Variants in SCOC observed in about 807,000 individuals in gnomAD.
The protein encoded by SCOC is short coiled-coil protein.
Under a neutral mutation model 9.9 loss-of-function variants are expected in SCOC, and 7 were observed. The ratio of observed to expected loss-of-function variants is 0.71; its 90% CI spans 0.40 to 1.33. The LOEUF is 1.33. SCOC is among the 40% of genes most tolerant of loss of function. The probability of loss-of-function intolerance (pLI) is 0.01; values close to 1 mark genes in which losing one functional copy is unlikely to be tolerated. For missense variants in SCOC, 66 were observed against 89.7 expected (o/e 0.74, Z 1.07); for synonymous variants, 19 against 28.2 (o/e 0.67, Z 1.03).
chr4:140,339,336 C>T (rs1726405930), upstream of SCOC, among the ~76,000 whole-genome samples: 1 of 151,766 alleles, frequency 6.6e-6, no homozygotes, highest in Non-Finnish European at 1.5e-5. Flanking sequence ...GGACGTAAAA[C>T]CATAAAAACC....
chr4:140,286,041 C>T lies in SCOC; in HGVS notation c.-19+28631C>T, dbSNP rs771981331. Among the ~76,000 whole-genome samples the T allele has an allele frequency of 7.9e-5, 12 of 152,044 alleles. No homozygotes were observed. In the South Asian group the frequency reaches 2.5e-3, roughly 32 times the overall value. ...CTCTACTAAAAATACAAAAATTAGC[C>T]GGATGTGGTGGTGGATGTCTGTAAT... On this transcript the variant is annotated intron_variant, in intron 1 of 4. Transcript: ENST00000394205.
intron 1 of SCOC, among the ~76,000 whole-genome samples, chr4:140,285,445 G>A (rs929587432): frequency 1.3e-5 from 2 of 152,202 alleles, no homozygotes; most frequent in Non-Finnish European, 2.9e-5. Context: ...AACCAGCAAT[G>A]GCCAAGGGGC....
chr4:140,380,262 A>G (rs1486335485), intron 3 of SCOC, among the ~76,000 whole-genome samples: 2 of 145,448 alleles, frequency 1.4e-5, no homozygotes, highest in African/African-American at 2.6e-5. Flanking sequence ...CAATGGCGCA[A>G]CCTCGGCTCC....
At chr4:140,328,831 C>T (rs1424802840) in intron 1 of SCOC, among the ~76,000 whole-genome samples, 1 of 152,166 alleles carries the variant, frequency 6.6e-6, no homozygotes, top group Non-Finnish European at 1.5e-5. Context: ...CAACCTACTG[C>T]TCCCAAAAAT....
intron 2 of SCOC, among the ~76,000 whole-genome samples, chr4:140,355,211 TTATATATATATATATATATATATATA>T (rs34322076): frequency 1.6e-5 from 1 of 61,424 alleles, no homozygotes; most frequent in Non-Finnish European, 4.1e-5. Flanking sequence ...CATTATATTT[TTATATATATATATATATATATATATA>T]TATATATATA....
intron 2 of SCOC, 116 bp from the exon 3 acceptor site, chr4:140,379,453 G>T (rs1728478352): frequency 1.8e-5 from 14 of 787,048 alleles, no homozygotes; most frequent in Non-Finnish European, 3.0e-5. Context: ...ATTTCACAGG[G>T]CTCTTGTATA....
At chr4:140,330,233 G>T (rs571880227) in intron 1 of SCOC, among the ~76,000 whole-genome samples, 242 of 152,288 alleles carry the variant, frequency 1.6e-3, no homozygotes, top group Non-Finnish European at 3.1e-3. Context: ...TCACTCATAT[G>T]TGGGAGCTAA....
intron 2 of SCOC, among the ~76,000 whole-genome samples, chr4:140,362,164 C>A (rs536237350): frequency 1.3e-5 from 2 of 150,760 alleles, no homozygotes; most frequent in Admixed American, 6.6e-5. Flanking sequence ...TTGCTTCACA[C>A]TGGGCATGAT....
At position 140,382,718 on chromosome 4, in the gene SCOC, A is replaced by G. The variant is rs775033091; in HGVS notation, c.*1614A>G. The G allele has an allele frequency of 1.2e-4, 19 of 152,806 alleles. No individual in the cohort carries two copies. The highest frequency in any genetic ancestry group is 6.2e-4 in the South Asian group (3 of 4,832). The allele number at this position is 152,806 out of a possible 1,614,324, so 9.5% of individuals were successfully genotyped here. The stretch of plus-strand genomic sequence containing the variant: ...TTAATACAACTATAACTGGTTATCA[A>G]TATAAATATCATAGGCTATTATACA... On this transcript the variant is annotated 3_prime_UTR_variant, in exon 4 of 4. Transcript: ENST00000608372.
upstream of SCOC, chr4:140,369,476 AT>A: frequency 3.8e-6 from 1 of 263,440 alleles, no homozygotes; most frequent in Non-Finnish European, 7.8e-6. Context: ...CTTGAAAGTT[AT>A]CAAAAATGCT....
At chr4:140,316,647 A>G in intron 1 of SCOC, among the ~76,000 whole-genome samples, 1 of 152,092 alleles carries the variant, frequency 6.6e-6, no homozygotes, top group African/African-American at 2.4e-5. Flanking sequence ...GGATTTATTC[A>G]AAGTGCCTTT....
chr4:140,310,857 C>T (rs1021279757), intron 1 of SCOC, among the ~76,000 whole-genome samples: 1 of 152,220 alleles, frequency 6.6e-6, no homozygotes, highest in African/African-American at 2.4e-5. Context: ...GCTCTGCTTC[C>T]AGGGCCAGGT....
At chr4:140,327,325 A>C (rs1193094539) in intron 1 of SCOC, among the ~76,000 whole-genome samples, 1 of 152,216 alleles carries the variant, frequency 6.6e-6, no homozygotes, top group African/African-American at 2.4e-5. Context: ...AGGAAGATGC[A>C]AACACCACTC....
chr4:140,301,713 G>A (rs144296361), intron 1 of SCOC, among the ~76,000 whole-genome samples: 117 of 152,338 alleles, frequency 7.7e-4, no homozygotes, highest in African/African-American at 2.7e-3. Flanking sequence ...AGGCATGGCT[G>A]AACGTGCATG....
chr4:140,310,284 T>A (rs191624948), intron 1 of SCOC, among the ~76,000 whole-genome samples: 1 of 152,212 alleles, frequency 6.6e-6, no homozygotes, highest in Non-Finnish European at 1.5e-5. Flanking sequence ...TCTTTAAAGA[T>A]GATGCTTCCT....
Position 140,330,777 on chromosome 4 carries a change from A to G in SCOC, c.-18-12844A>G, listed in dbSNP as rs74771466. Among the ~76,000 whole-genome samples the G allele has an allele frequency of 2.7e-3, 418 of 152,364 alleles. 1 individual carries two copies. The highest frequency in any genetic ancestry group is 0.027 in the Middle Eastern group (8 of 294). The stretch of plus-strand genomic sequence containing the variant: ...TGAGGATATGGACATGAAAGTAAGA[A>G]TAGCTCACCTTTAAAAAACACTTTA... On this transcript the variant is annotated intron_variant, in intron 1 of 4. Coordinates refer to the SCOC transcript ENST00000394205.
At chr4:140,297,395 A>G (rs1731677317) in intron 1 of SCOC, among the ~76,000 whole-genome samples, 1 of 152,128 alleles carries the variant, frequency 6.6e-6, no homozygotes, top group African/African-American at 2.4e-5. Flanking sequence ...GTAGTTTTTC[A>G]TAACACAGAG....
chr4:140,280,855 C>T (rs542330146), intron 1 of SCOC, among the ~76,000 whole-genome samples: 1 of 152,150 alleles, frequency 6.6e-6, no homozygotes, highest in South Asian at 2.1e-4. Context: ...GTTTAAGAAC[C>T]CCTCACATGG....
rs1728661693 is a variant in SCOC, at chr4:140,385,116, A to T, written c.*4012A>T. 6.6e-6 allele frequency: 1 copy of T among 152,242 alleles called. No individual in the cohort carries two copies. The highest frequency in any genetic ancestry group is 6.5e-5 in the Admixed American group (1 of 15,282). The allele number at this position is 152,242 out of a possible 1,614,324, so 9.4% of individuals were successfully genotyped here. A position where few individuals can be genotyped will look rare whatever the true frequency, so the allele number is the denominator to read the frequency against. ...CATTTTCCCCACTGTTTCCCAATACAAATTTCCCCAGTATTGACACTGCCA... is the reference window on the plus strand; with the variant it reads ...CATTTTCCCCACTGTTTCCCAATACTAATTTCCCCAGTATTGACACTGCCA... On this transcript the variant is annotated 3_prime_UTR_variant, in exon 4 of 4. Transcript: ENST00000608372.
Sources: allele counts gnomAD v4.1 joint callset (sites outside exome capture counted in the v4.1 genomes callset), GRCh38; gene constraint gnomAD v4.1.1; transcripts MANE v1.5; gene names NCBI Gene and HGNC (gene_info 2026-07-23, HGNC 2026-07-21).